NXPH1: variants seen among roughly 807,000 people sequenced by gnomAD.
NXPH1 encodes neurexophilin-1.
In NXPH1, 5 loss-of-function variants were observed where a neutral mutation model predicts 23.7. The observed-to-expected ratio is 0.21, with a 90% CI of 0.11 to 0.44. The LOEUF is 0.44. NXPH1 is among the 20% of genes least tolerant of loss of function. The pLI is 0.99. For synonymous variants in NXPH1, 144 were observed against 122.2 expected (o/e 1.18, Z -1.18); for missense variants, 324 against 321.6 (o/e 1.01, Z -0.06).
At chr7:8,452,526 G>A (rs749536793) in intron 2 of NXPH1, among the ~76,000 whole-genome samples, 1 of 152,148 alleles carries the variant, frequency 6.6e-6, no homozygotes, top group African/African-American at 2.4e-5. Context: ...GTAAGGAGAT[G>A]TAAAGGCCTT....
intron 2 of NXPH1, among the ~76,000 whole-genome samples, chr7:8,742,295 G>T (rs146978559): frequency 5.5e-4 from 83 of 152,118 alleles, no homozygotes; most frequent in Middle Eastern, 3.4e-3. Context: ...TGAGAGAGGG[G>T]AGTGGGATAT....
At chr7:8,540,029 T>C (rs984508502) in intron 2 of NXPH1, among the ~76,000 whole-genome samples, 2 of 151,870 alleles carry the variant, frequency 1.3e-5, no homozygotes, top group Non-Finnish European at 1.5e-5. Context: ...TTAGTGGTTT[T>C]GTTGTATACT....
chr7:8,718,830 A>G (rs549645371), intron 2 of NXPH1, among the ~76,000 whole-genome samples: 3 of 152,222 alleles, frequency 2.0e-5, no homozygotes, highest in Admixed American at 6.5e-5. Context: ...ATTTTATAAC[A>G]CCCTTTTTGT....
chr7:8,513,116 A>G (rs945770509), intron 2 of NXPH1, among the ~76,000 whole-genome samples: 2 of 152,070 alleles, frequency 1.3e-5, no homozygotes, highest in East Asian at 3.9e-4. Context: ...AGAAGGAGGG[A>G]AAAGTGCCCA....
At chr7:8,516,227 G>T (rs538467045) in intron 2 of NXPH1, among the ~76,000 whole-genome samples, 10 of 151,868 alleles carry the variant, frequency 6.6e-5, no homozygotes, top group Non-Finnish European at 1.5e-4. Flanking sequence ...CAGTTGGATC[G>T]TCTACTATAT....
intron 2 of NXPH1, among the ~76,000 whole-genome samples, chr7:8,459,196 A>G (rs1238725494): frequency 2.0e-5 from 3 of 152,014 alleles, no homozygotes; most frequent in Non-Finnish European, 4.4e-5. Context: ...TTTTGCATGG[A>G]AAGTGGTTAA....
chr7:8,467,656 T>A (rs936369706), intron 2 of NXPH1, among the ~76,000 whole-genome samples: 1 of 152,168 alleles, frequency 6.6e-6, no homozygotes, highest in Non-Finnish European at 1.5e-5. Flanking sequence ...GCATTTTGGG[T>A]CTAGCATCTT....
chr7:8,695,796 A>G (rs1023161743), intron 2 of NXPH1, among the ~76,000 whole-genome samples: 5 of 152,242 alleles, frequency 3.3e-5, no homozygotes, highest in African/African-American at 9.6e-5. Flanking sequence ...AATTTTAATC[A>G]ATAGGAAGCT....
intron 2 of NXPH1, among the ~76,000 whole-genome samples, chr7:8,456,331 T>G (rs994995952): frequency 6.6e-6 from 1 of 152,224 alleles, no homozygotes; most frequent in Non-Finnish European, 1.5e-5. Flanking sequence ...GAAATAATAA[T>G]GAATGCATAT....
chr7:8,586,243 T>G (rs958382547), intron 2 of NXPH1, among the ~76,000 whole-genome samples: 3 of 152,160 alleles, frequency 2.0e-5, no homozygotes, highest in African/African-American at 7.2e-5. Context: ...TTTGGGATAC[T>G]GTACTAGAAC....
rs146342455 is a variant in NXPH1 at position 8,619,854 on chromosome 7, C to A, written c.55-131154C>A. Among the ~76,000 whole-genome samples, 331 of 152,234 alleles carry A rather than the reference C, an allele frequency of 2.2e-3. 3 individuals are homozygous for A. The highest frequency in any genetic ancestry group is 7.4e-3 in the African/African-American group (309 of 41,544). ...GGAAGGCATTATTATCTCTATTTTA[C>A]AACAAGGAAGAAAAGATGTAGAGAA... On this transcript the variant is annotated intron_variant, in intron 2 of 2. Transcript: ENST00000405863.
chr7:8,678,994 G>A (rs1821008091), intron 2 of NXPH1, among the ~76,000 whole-genome samples: 1 of 122,948 alleles, frequency 8.1e-6, no homozygotes, highest in South Asian at 2.6e-4. Flanking sequence ...TGTCACCCAG[G>A]CTGAGTGCAG....
At chr7:8,518,599 G>A (rs1199374015) in intron 2 of NXPH1, among the ~76,000 whole-genome samples, 1 of 151,868 alleles carries the variant, frequency 6.6e-6, no homozygotes, top group African/African-American at 2.4e-5. Flanking sequence ...TGATCCTTTT[G>A]CCTCAGCTCC....
intron 2 of NXPH1, among the ~76,000 whole-genome samples, chr7:8,547,256 A>C (rs958719784): frequency 5.3e-5 from 8 of 151,402 alleles, no homozygotes; most frequent in Admixed American, 2.0e-4. Context: ...TAGTGGCCTT[A>C]ACGTCATTGA....
intron 2 of NXPH1, among the ~76,000 whole-genome samples, chr7:8,685,166 A>G (rs1228903937): frequency 3.9e-5 from 6 of 151,978 alleles, no homozygotes; most frequent in Non-Finnish European, 8.8e-5. Flanking sequence ...TTCACACAAT[A>G]GTTTAATCAA....
chr7:8,557,420 C>T (rs1468590707), intron 2 of NXPH1, among the ~76,000 whole-genome samples: 1 of 151,640 alleles, frequency 6.6e-6, no homozygotes, highest in African/African-American at 2.4e-5. Context: ...ATACTGGGGT[C>T]ATGCTTGCTT....
At chr7:8,705,974 T>TA (rs1309209081) in intron 2 of NXPH1, among the ~76,000 whole-genome samples, 1 of 152,206 alleles carries the variant, frequency 6.6e-6, no homozygotes, top group East Asian at 1.9e-4. Context: ...CCTCTGCAGC[T>TA]AGTAACACTG....
At chr7:8,695,080 A>G (rs1821285059) in intron 2 of NXPH1, among the ~76,000 whole-genome samples, 2 of 152,258 alleles carry the variant, frequency 1.3e-5, no homozygotes, top group Non-Finnish European at 2.9e-5. Context: ...TTTAGGAAAA[A>G]ACATGAAATA....
chr7:8,541,978 A>C (rs1202567619), intron 2 of NXPH1, among the ~76,000 whole-genome samples: 1 of 151,560 alleles, frequency 6.6e-6, no homozygotes, highest in East Asian at 2.0e-4. Flanking sequence ...ATAGCGAGAT[A>C]ATGATAGATT....
Sources: allele counts gnomAD v4.1 joint callset (sites outside exome capture counted in the v4.1 genomes callset), GRCh38; gene constraint gnomAD v4.1.1; transcripts MANE v1.5; gene names NCBI Gene and HGNC (gene_info 2026-07-23, HGNC 2026-07-21).